Variants in ARID1B observed in about 807,000 individuals in gnomAD.
The protein encoded by ARID1B is AT-rich interactive domain-containing protein 1B.
A neutral mutation model predicts 212.3 loss-of-function variants in ARID1B; 30 were observed. The observed-to-expected ratio is 0.14, with a 90% CI of 0.11 to 0.19. The LOEUF (loss-of-function observed/expected upper bound fraction) is 0.19. Ranked by LOEUF, ARID1B falls within the 10% of genes least tolerant of loss-of-function variation. The pLI is 1.00. For synonymous variants in ARID1B, 1,402 were observed against 1,301.7 expected, an observed-to-expected ratio of 1.08 and a Z score of -1.66; for missense variants, 2,891 against 3,204.0, an observed-to-expected ratio of 0.90 and a Z score of 2.36.
chr6:157,012,170 A>G (rs113498478), intron 4 of ARID1B, among the ~76,000 whole-genome samples: 2,446 of 152,350 alleles, frequency 0.016, 74 homozygotes, highest in African/African-American at 0.056. Flanking sequence ...GGATGTAATT[A>G]AGACAAAGGA....
At chr6:156,927,515 C>G (rs997519749) in intron 3 of ARID1B, among the ~76,000 whole-genome samples, 24 of 152,056 alleles carry the variant, frequency 1.6e-4, no homozygotes, top group African/African-American at 5.6e-4. Flanking sequence ...TGATCCCCAC[C>G]CCACCCCCGC....
At chr6:156,813,116 T>C (rs970074273) in intron 1 of ARID1B, among the ~76,000 whole-genome samples, 1 of 142,834 alleles carries the variant, frequency 7.0e-6, no homozygotes, top group Admixed American at 7.2e-5. Flanking sequence ...ATATTTTTTT[T>C]TTTTTTGAGA....
intron 1 of ARID1B, among the ~76,000 whole-genome samples, chr6:156,801,838 C>G (rs1038410812): frequency 6.6e-6 from 1 of 151,952 alleles, no homozygotes; most frequent in African/African-American, 2.4e-5. Context: ...TCCTTGATTT[C>G]TGTCTGTGTT....
chr6:156,839,291 C>A (rs936709433), intron 2 of ARID1B, among the ~76,000 whole-genome samples: 1 of 152,152 alleles, frequency 6.6e-6, no homozygotes, highest in East Asian at 1.9e-4. Flanking sequence ...TGCTTCACAA[C>A]GTGGTGGAAG....
chr6:156,837,387 G>T (rs1458475543), intron 2 of ARID1B, among the ~76,000 whole-genome samples: 1 of 152,192 alleles, frequency 6.6e-6, no homozygotes, highest in Non-Finnish European at 1.5e-5. Context: ...CATTGGGACA[G>T]ATTATATAAA....
At chr6:156,997,789 A>G (rs1214665720) in intron 4 of ARID1B, among the ~76,000 whole-genome samples, 2 of 151,940 alleles carry the variant, frequency 1.3e-5, no homozygotes, top group African/African-American at 2.4e-5. Flanking sequence ...AGATTCTCCT[A>G]TTAAGAATTG....
At chr6:157,202,989 C>T (rs1189579009) in intron 18 of ARID1B, among the ~76,000 whole-genome samples, 3 of 152,104 alleles carry the variant, frequency 2.0e-5, no homozygotes, top group African/African-American at 7.2e-5. Context: ...GGGAAATTTA[C>T]ATGTTTATTT....
chr6:157,058,110 T>G (rs1304927696), intron 4 of ARID1B, among the ~76,000 whole-genome samples: 1 of 152,158 alleles, frequency 6.6e-6, no homozygotes, highest in Non-Finnish European at 1.5e-5. Flanking sequence ...GAAGTCATTG[T>G]CCTGTCTGAT....
At chr6:156,789,349 T>C (rs1161258580) in intron 1 of ARID1B, among the ~76,000 whole-genome samples, 1 of 152,240 alleles carries the variant, frequency 6.6e-6, no homozygotes, top group Non-Finnish European at 1.5e-5. Context: ...TTGAACTGTG[T>C]GCGTCAGGGC....
At chr6:156,844,261 GT>G (rs1034301967) in intron 2 of ARID1B, among the ~76,000 whole-genome samples, 11 of 152,270 alleles carry the variant, frequency 7.2e-5, no homozygotes, top group Admixed American at 7.2e-4. Context: ...TTTTTGTTTT[GT>G]TTTGTTTAAG....
intron 4 of ARID1B, among the ~76,000 whole-genome samples, chr6:157,021,338 GA>G (rs1212856151): frequency 6.6e-6 from 1 of 152,252 alleles, no homozygotes; most frequent in African/African-American, 2.4e-5. Context: ...ACGGACCCCG[GA>G]ATCCCCCGGG....
chr6:156,971,565 A>G (rs916310065), intron 4 of ARID1B, among the ~76,000 whole-genome samples: 1 of 152,134 alleles, frequency 6.6e-6, no homozygotes, highest in African/African-American at 2.4e-5. Context: ...GTATTATTTC[A>G]TAGTTTCTAT....
At chr6:157,081,929 T>C (rs987191867) in intron 4 of ARID1B, among the ~76,000 whole-genome samples, 3 of 151,634 alleles carry the variant, frequency 2.0e-5, no homozygotes, top group African/African-American at 7.3e-5. Context: ...ATCTACCAGG[T>C]TTTTTTTTCT....
intron 6 of ARID1B, among the ~76,000 whole-genome samples, chr6:157,128,744 A>G (rs1271716649): frequency 6.6e-6 from 1 of 152,258 alleles, no homozygotes; most frequent in Non-Finnish European, 1.5e-5. Context: ...GGCAAACGAT[A>G]TAAACAGACA....
chr6:157,104,161 A>G (rs1225999636), intron 5 of ARID1B, among the ~76,000 whole-genome samples: 5 of 152,214 alleles, frequency 3.3e-5, no homozygotes, highest in Admixed American at 6.5e-5. Context: ...AATATATACC[A>G]TAAACATACA....
At chr6:156,970,431 A>G (rs1455205581) in intron 4 of ARID1B, among the ~76,000 whole-genome samples, 1 of 152,088 alleles carries the variant, frequency 6.6e-6, no homozygotes, top group African/African-American at 2.4e-5. Flanking sequence ...ATTGCTTTTG[A>G]TTTTTGTCTT....
chr6:156,951,966 C>G (rs1793622497), intron 4 of ARID1B, among the ~76,000 whole-genome samples: 1 of 152,132 alleles, frequency 6.6e-6, no homozygotes, highest in Non-Finnish European at 1.5e-5. Context: ...TCTGTTTTTG[C>G]TGTAACTTGC....
At position 156,976,374 on chromosome 6, in the gene ARID1B, C is replaced by A. The variant is rs528213030; in HGVS notation, c.2247+40798C>A. 245 of 163,976 alleles carry A rather than the reference C, an allele frequency of 1.5e-3. 1 individual carries two copies. The highest frequency in any genetic ancestry group is 3.8e-4 in the Non-Finnish European group (29 of 75,340). The allele number at this position is 163,976 out of a possible 1,614,324, so 10.2% of individuals were successfully genotyped here. ...TTTAAGCTGTGCTCCAAGGTCATTG[C>A]CCGTTTCTCACTGTGATGATGCAGC... On this transcript the variant is annotated intron_variant, in intron 4 of 19. Transcript: ENST00000636930.
chr6:157,092,683 C>T (rs548324140), intron 5 of ARID1B, among the ~76,000 whole-genome samples: 39 of 152,234 alleles, frequency 2.6e-4, no homozygotes, highest in Admixed American at 1.5e-3. Flanking sequence ...ATACAAATTC[C>T]CACTTGGTTT....
Sources: allele counts gnomAD v4.1 joint callset (sites outside exome capture counted in the v4.1 genomes callset), GRCh38; gene constraint gnomAD v4.1.1; transcripts MANE v1.5; gene names NCBI Gene and HGNC (gene_info 2026-07-23, HGNC 2026-07-21).